Variants in PDE10A observed in about 807,000 individuals in gnomAD.
PDE10A encodes the protein cAMP and cAMP-inhibited cGMP 3',5'-cyclic phosphodiesterase 10A.
PDE10A carries 39 observed loss-of-function variants against 97.7 expected under a neutral mutation model. The ratio of observed to expected loss-of-function variants is 0.40; its 90% confidence interval spans 0.31 to 0.52. The LOEUF is 0.52. PDE10A is among the 20% of genes least tolerant of loss of function. PDE10A has a pLI of 0.56. For synonymous variants in PDE10A, 371 were observed against 376.8 expected, an observed-to-expected ratio of 0.98 and a Z score of 0.18; for missense variants, 731 against 1,047.8, an observed-to-expected ratio of 0.70 and a Z score of 4.17.
At chr6:165,521,729 T>C (rs1486324222) in intron 2 of PDE10A, among the ~76,000 whole-genome samples, 1 of 152,104 alleles carries the variant, frequency 6.6e-6, no homozygotes, top group African/African-American at 2.4e-5. Flanking sequence ...CTGAAGCTAG[T>C]AGAGGTTAGT....
chr6:165,413,706 A>G lies in PDE10A; in HGVS notation c.1890-19T>C, dbSNP rs220749. On this transcript the variant is annotated intron_variant, in intron 12 of 21. Transcript: ENST00000539869. ...TACTTCTCTGTGGGGTGACAGAACC[A>G]AAAATAACAACAACAACAAAAGGGC... 0.63 allele frequency: 992,877 copies of G among 1,586,812 alleles called. 315,904 individuals are homozygous for G. The highest frequency in any genetic ancestry group is 0.87 in the African/African-American group (64,675 of 74,230).
At chr6:165,523,119 TACATAAC>T (rs569310836) in intron 2 of PDE10A, among the ~76,000 whole-genome samples, 3 of 152,104 alleles carry the variant, frequency 2.0e-5, no homozygotes, top group African/African-American at 7.2e-5. Flanking sequence ...AAGAAATGAT[TACATAAC>T]ACAGAGAAAC....
intron 1 of PDE10A, among the ~76,000 whole-genome samples, chr6:165,962,553 G>C (rs1010661441): frequency 8.4e-6 from 1 of 119,402 alleles, no homozygotes; most frequent in East Asian, 3.9e-4. Flanking sequence ...GATGTGCTAA[G>C]GTTCAAGTTC....
intron 1 of PDE10A, among the ~76,000 whole-genome samples, chr6:165,709,644 C>T (rs1252544267): frequency 1.3e-5 from 1 of 79,752 alleles, no homozygotes; most frequent in Non-Finnish European, 2.6e-5. Flanking sequence ...CTCTCTCCCC[C>T]GCCACTCTCC....
intron 1 of PDE10A, among the ~76,000 whole-genome samples, chr6:165,707,392 C>T (rs1416283122): frequency 6.6e-6 from 1 of 152,240 alleles, no homozygotes. Context: ...GCCTGCTTCC[C>T]TCTTCCACCT....
chr6:165,748,974 G>C (rs1583032129), intron 1 of PDE10A, among the ~76,000 whole-genome samples: 1 of 152,096 alleles, frequency 6.6e-6, no homozygotes, highest in Non-Finnish European at 1.5e-5. Context: ...CCCGTTTCAG[G>C]TTCCTTATAT....
chr6:165,851,969 A>G (rs1376319331), intron 1 of PDE10A, among the ~76,000 whole-genome samples: 3 of 152,232 alleles, frequency 2.0e-5, no homozygotes, highest in African/African-American at 7.2e-5. Flanking sequence ...TATAACAGGA[A>G]TTGAGAAAAA....
At chr6:165,617,911 A>G (rs531813222) in intron 1 of PDE10A, among the ~76,000 whole-genome samples, 3 of 152,220 alleles carry the variant, frequency 2.0e-5, no homozygotes, top group East Asian at 1.9e-4. Context: ...TTTTCCCCCA[A>G]GCAGATTATA....
At chr6:165,948,867 C>T (rs893096452) in intron 1 of PDE10A, 5 of 152,316 alleles carry the variant, frequency 3.3e-5, no homozygotes, top group African/African-American at 1.2e-4. Context: ...GGCCCAGAGT[C>T]CCAGTGAGAG....
chr6:165,918,077 G>C (rs1196489731), intron 1 of PDE10A, among the ~76,000 whole-genome samples: 1 of 152,188 alleles, frequency 6.6e-6, no homozygotes, highest in Admixed American at 6.5e-5. Flanking sequence ...AAAATATAGA[G>C]AGTAAATTTG....
chr6:165,594,960 G>A (rs781321223), intron 1 of PDE10A, among the ~76,000 whole-genome samples: 16 of 152,188 alleles, frequency 1.1e-4, no homozygotes, highest in South Asian at 4.1e-4. Flanking sequence ...ATGATTATCC[G>A]CAATCTACAG....
chr6:165,563,888 CAA>C (rs36101210), intron 1 of PDE10A, among the ~76,000 whole-genome samples: 7 of 112,264 alleles, frequency 6.2e-5, no homozygotes, highest in South Asian at 2.7e-4. Flanking sequence ...GAGACTGTCT[CAA>C]AAAAAAAAAA....
chr6:165,637,321 G>A (rs1490202843), intron 1 of PDE10A, among the ~76,000 whole-genome samples: 1 of 152,170 alleles, frequency 6.6e-6, no homozygotes, highest in African/African-American at 2.4e-5. Flanking sequence ...ATACTAGGAT[G>A]TGGCTTCCAG....
At chr6:165,861,504 G>A (rs1003991489) in intron 1 of PDE10A, among the ~76,000 whole-genome samples, 8 of 151,872 alleles carry the variant, frequency 5.3e-5, no homozygotes, top group South Asian at 4.2e-4. Flanking sequence ...AAGGGGGGAC[G>A]AGGGCCCCAG....
intron 1 of PDE10A, among the ~76,000 whole-genome samples, chr6:165,960,679 T>C (rs149202756): frequency 7.2e-5 from 11 of 152,040 alleles, no homozygotes; most frequent in Non-Finnish European, 1.5e-4. Context: ...GGGACGTGAG[T>C]TAGTAACTTG....
intron 15 of PDE10A, among the ~76,000 whole-genome samples, chr6:165,394,087 CT>C (rs1163473201): frequency 6.6e-6 from 1 of 151,314 alleles, no homozygotes; most frequent in Non-Finnish European, 1.5e-5. Context: ...TATTATTATA[CT>C]TTAAGTTCTG....
At chr6:165,727,048 T>C (rs753007708) in intron 1 of PDE10A, among the ~76,000 whole-genome samples, 1 of 152,142 alleles carries the variant, frequency 6.6e-6, no homozygotes. Context: ...GGGATTCTCC[T>C]GCCCTGCACC....
chr6:165,469,694 C>T (rs963191883), intron 3 of PDE10A, among the ~76,000 whole-genome samples: 25 of 152,068 alleles, frequency 1.6e-4, no homozygotes, highest in Non-Finnish European at 2.9e-5. Context: ...GTGAGAAATT[C>T]TTATTGGGCT....
At chr6:165,470,907 A>T (rs934842956) in intron 3 of PDE10A, among the ~76,000 whole-genome samples, 1 of 152,200 alleles carries the variant, frequency 6.6e-6, no homozygotes, top group Non-Finnish European at 1.5e-5. Context: ...TTTAAGAGAA[A>T]AAAACTAAAA....
Sources: allele counts gnomAD v4.1 joint callset (sites outside exome capture counted in the v4.1 genomes callset), GRCh38; gene constraint gnomAD v4.1.1; transcripts MANE v1.5; gene names NCBI Gene and HGNC (gene_info 2026-07-23, HGNC 2026-07-21).